Variants in CYYR1 observed in about 807,000 individuals in gnomAD.
CYYR1 encodes cysteine and tyrosine rich 1, also known as cysteine and tyrosine-rich protein 1.
In CYYR1, 14 loss-of-function variants were observed where a neutral mutation model predicts 15.2. The observed-to-expected ratio is 0.92, with a 90% CI of 0.61 to 1.44. CYYR1 has a LOEUF of 1.44. Ranked by LOEUF, CYYR1 falls within the 40% of genes most tolerant of loss-of-function variation. The probability of loss-of-function intolerance (pLI) is 0.00; values close to 1 mark genes in which losing one functional copy is unlikely to be tolerated. For missense variants in CYYR1, 228 were observed against 209.5 expected (o/e 1.09, Z -0.54); for synonymous variants, 80 against 77.4 (o/e 1.03, Z -0.18).
At chr21:26,538,581 C>T (rs978453946) in intron 2 of CYYR1, among the ~76,000 whole-genome samples, 1 of 151,838 alleles carries the variant, frequency 6.6e-6, no homozygotes, top group Non-Finnish European at 1.5e-5. Context: ...TTGTTTTGCT[C>T]TCTATCTCTA....
At chr21:26,556,158 T>C (rs1358118146) in intron 2 of CYYR1, among the ~76,000 whole-genome samples, 1 of 152,206 alleles carries the variant, frequency 6.6e-6, no homozygotes, top group Non-Finnish European at 1.5e-5. Context: ...CTGTATTCCA[T>C]GAGAAGATAC....
intron 2 of CYYR1, among the ~76,000 whole-genome samples, chr21:26,519,563 A>T (rs1238898873): frequency 6.6e-6 from 1 of 152,202 alleles, no homozygotes; most frequent in African/African-American, 2.4e-5. Flanking sequence ...CTTGTAGGCC[A>T]TTTAAGACTT....
At chr21:26,561,003 A>G (rs1005154460) in intron 2 of CYYR1, among the ~76,000 whole-genome samples, 2 of 152,254 alleles carry the variant, frequency 1.3e-5, no homozygotes, top group African/African-American at 4.8e-5. Flanking sequence ...AAAGACAATT[A>G]TAACAGCATA....
At chr21:26,551,259 G>T (rs899478638) in intron 2 of CYYR1, 1 of 151,726 alleles carries the variant, frequency 6.6e-6, no homozygotes, top group Non-Finnish European at 1.5e-5. Context: ...GAGCTCTGAT[G>T]GAGGTGTGCA....
intron 2 of CYYR1, among the ~76,000 whole-genome samples, chr21:26,562,941 A>G (rs1270311910): frequency 1.3e-5 from 2 of 152,310 alleles, no homozygotes; most frequent in East Asian, 3.9e-4. Context: ...CTTGGAAGTC[A>G]GAGTCCATCA....
At chr21:26,481,419 T>G (rs1252411403) in intron 2 of CYYR1, among the ~76,000 whole-genome samples, 1 of 152,106 alleles carries the variant, frequency 6.6e-6, no homozygotes, top group African/African-American at 2.4e-5. Flanking sequence ...GGTCAAGAGA[T>G]CCACATGGAT....
At chr21:26,570,484 C>T (rs531268479) in intron 1 of CYYR1, among the ~76,000 whole-genome samples, 1 of 152,254 alleles carries the variant, frequency 6.6e-6, no homozygotes, top group Admixed American at 6.5e-5. Flanking sequence ...AAACCTTGAC[C>T]GAATCCTGTC....
chr21:26,528,737 A>T (rs2065895540), intron 2 of CYYR1, among the ~76,000 whole-genome samples: 1 of 152,226 alleles, frequency 6.6e-6, no homozygotes, highest in Non-Finnish European at 1.5e-5. Context: ...GACTCAGTTC[A>T]ATCTATTGGA....
intron 2 of CYYR1, among the ~76,000 whole-genome samples, chr21:26,539,912 C>T (rs192416488): frequency 6.6e-5 from 10 of 152,200 alleles, no homozygotes; most frequent in Admixed American, 3.9e-4. Flanking sequence ...TGTTTGGGTT[C>T]GCATCTTTTT....
At chr21:26,472,498 A>G (rs2065048095) in intron 3 of CYYR1, among the ~76,000 whole-genome samples, 1 of 152,128 alleles carries the variant, frequency 6.6e-6, no homozygotes, top group Non-Finnish European at 1.5e-5. Context: ...TAAATTAAGT[A>G]AAAATTTAGG....
At chr21:26,512,921 A>C (rs1417731915) in intron 2 of CYYR1, among the ~76,000 whole-genome samples, 1 of 152,176 alleles carries the variant, frequency 6.6e-6, no homozygotes, top group Non-Finnish European at 1.5e-5. Context: ...AATAGTCATC[A>C]AAGTAAGTGC....
chr21:26,485,487 C>G (rs1328262222), intron 2 of CYYR1, among the ~76,000 whole-genome samples: 2 of 152,118 alleles, frequency 1.3e-5, no homozygotes, highest in African/African-American at 4.8e-5. Context: ...CATGCCTTCT[C>G]TCTGCCATCA....
At chr21:26,517,354 C>T (rs1389131909) in intron 2 of CYYR1, among the ~76,000 whole-genome samples, 1 of 152,044 alleles carries the variant, frequency 6.6e-6, no homozygotes, top group Non-Finnish European at 1.5e-5. Context: ...AGTATCTTGT[C>T]AGATAAATCT....
intron 2 of CYYR1, among the ~76,000 whole-genome samples, chr21:26,496,689 C>T (rs1219876716): frequency 1.3e-5 from 2 of 152,144 alleles, no homozygotes; most frequent in Admixed American, 1.3e-4. Context: ...ATAGACAGGT[C>T]AGTGCATCCC....
At chr21:26,544,401 T>C (rs538529928) in intron 2 of CYYR1, among the ~76,000 whole-genome samples, 2 of 152,228 alleles carry the variant, frequency 1.3e-5, no homozygotes, top group Non-Finnish European at 2.9e-5. Flanking sequence ...AAATAAGATT[T>C]ATGCCTGGTC....
chr21:26,563,968 T>A (rs911274302), intron 2 of CYYR1, among the ~76,000 whole-genome samples: 1 of 152,244 alleles, frequency 6.6e-6, no homozygotes, highest in Non-Finnish European at 1.5e-5. Context: ...TACTGCTTTG[T>A]TCCTTATTAC....
chr21:26,478,845 A>C (rs1431571437), intron 3 of CYYR1, among the ~76,000 whole-genome samples: 1 of 152,112 alleles, frequency 6.6e-6, no homozygotes, highest in Non-Finnish European at 1.5e-5. Context: ...AGGTAGAGCC[A>C]AGAAGTTTTC....
chr21:26,549,128 C>T (rs140250016), intron 2 of CYYR1, among the ~76,000 whole-genome samples: 1 of 152,052 alleles, frequency 6.6e-6, no homozygotes. Flanking sequence ...GTTAGTCTTC[C>T]TAGAGGCATA....
At chr21:26,492,985 G>T (rs187831781) in intron 2 of CYYR1, among the ~76,000 whole-genome samples, 118 of 152,122 alleles carry the variant, frequency 7.8e-4, no homozygotes, top group Non-Finnish European at 1.4e-3. Context: ...GTGTGTATAT[G>T]TGTGTGTGTG....
Sources: allele counts gnomAD v4.1 joint callset (sites outside exome capture counted in the v4.1 genomes callset), GRCh38; gene constraint gnomAD v4.1.1; transcripts MANE v1.5; gene names NCBI Gene and HGNC (gene_info 2026-07-23, HGNC 2026-07-21).